NECAB1: variants seen among roughly 807,000 people sequenced by gnomAD.
NECAB1 encodes N-terminal EF-hand calcium-binding protein 1.
Under a neutral mutation model 57.5 loss-of-function variants are expected in NECAB1, and 29 were observed. The observed-to-expected ratio is 0.50, with a 90% confidence interval of 0.38 to 0.69. The LOEUF (loss-of-function observed/expected upper bound fraction) is 0.69, where lower values mean the gene tolerates loss of function less well. NECAB1 is among the 30% of genes least tolerant of loss of function. The probability of loss-of-function intolerance (pLI) is 0.00; values close to 1 mark genes in which losing one functional copy is unlikely to be tolerated. For missense variants in NECAB1, 372 were observed against 413.8 expected (o/e 0.90, Z 0.88); for synonymous variants, 142 against 147.7 (o/e 0.96, Z 0.28).
intron 5 of NECAB1, among the ~76,000 whole-genome samples, chr8:90,906,973 C>T (rs1192909878): frequency 6.8e-6 from 1 of 147,172 alleles, no homozygotes; most frequent in Non-Finnish European, 1.5e-5. Context: ...GCAGCCTCGA[C>T]CTCCTGGACT....
At chr8:90,824,600 T>A in intron 2 of NECAB1, 117 bp from the exon 3 acceptor site, 1 of 534,924 alleles carries the variant, frequency 1.9e-6, no homozygotes, top group Non-Finnish European at 3.3e-6. Flanking sequence ...CAGCTGTTCT[T>A]TCTTTTTGAG....
intron 11 of NECAB1, among the ~76,000 whole-genome samples, chr8:90,950,568 G>A (rs1326530958): frequency 6.6e-6 from 1 of 152,086 alleles, no homozygotes; most frequent in East Asian, 1.9e-4. Context: ...GTTAAATATG[G>A]TGATGGAAGT....
At chr8:90,849,150 A>C (rs1812630896) in intron 3 of NECAB1, among the ~76,000 whole-genome samples, 1 of 152,196 alleles carries the variant, frequency 6.6e-6, no homozygotes, top group Non-Finnish European at 1.5e-5. Flanking sequence ...AATTTAGTGC[A>C]TCCAGTAAGG....
intron 5 of NECAB1, among the ~76,000 whole-genome samples, chr8:90,903,557 G>A (rs1164740988): frequency 6.6e-6 from 1 of 152,124 alleles, no homozygotes; most frequent in African/African-American, 2.4e-5. Context: ...AAACTTACCT[G>A]TTAGCTATCT....
chr8:90,889,032 G>GTT (rs1463092718), intron 5 of NECAB1, among the ~76,000 whole-genome samples: 1 of 152,188 alleles, frequency 6.6e-6, no homozygotes, highest in Admixed American at 6.5e-5. Context: ...GGAAGGAGAT[G>GTT]TTTTCATCAG....
chr8:90,806,833 G>A (rs932933252), intron 2 of NECAB1: 1 of 152,158 alleles, frequency 6.6e-6, no homozygotes, highest in Non-Finnish European at 1.5e-5. Context: ...AGTGATAATT[G>A]CTCAATATTT....
chr8:90,875,443 T>TGCAGTCC (rs1808700478), intron 4 of NECAB1, among the ~76,000 whole-genome samples: 1 of 121,306 alleles, frequency 8.2e-6, no homozygotes, highest in Non-Finnish European at 1.6e-5. Context: ...ATTGCGCCAC[T>TGCAGTCC]GCAGTCCGCA....
chr8:90,860,115 T>A (rs1386108), intron 3 of NECAB1, among the ~76,000 whole-genome samples: 70,205 of 151,990 alleles, frequency 0.46, 19,670 homozygotes, highest in East Asian at 0.77. Flanking sequence ...TTTTCGTGCA[T>A]GTTAAAATAA....
At chr8:90,900,906 T>C (rs919750653) in intron 5 of NECAB1, among the ~76,000 whole-genome samples, 9 of 152,358 alleles carry the variant, frequency 5.9e-5, no homozygotes, top group Middle Eastern at 3.4e-3. Context: ...CAGCAGTTTC[T>C]TGATGATTTT....
chr8:90,947,299 C>CAT (rs35903277), intron 10 of NECAB1, among the ~76,000 whole-genome samples: 1 of 129,816 alleles, frequency 7.7e-6, no homozygotes, highest in Non-Finnish European at 1.6e-5. Context: ...GGGCTAACAA[C>CAT]ACATACACAC....
intron 2 of NECAB1, among the ~76,000 whole-genome samples, chr8:90,815,769 A>G (rs566635192): frequency 6.6e-6 from 1 of 152,130 alleles, no homozygotes; most frequent in African/African-American, 2.4e-5. Context: ...GTGTGGATGT[A>G]TCAAATTATT....
intron 5 of NECAB1, among the ~76,000 whole-genome samples, chr8:90,886,548 G>GTT (rs1808997277): frequency 1.3e-5 from 2 of 151,834 alleles, no homozygotes; most frequent in Admixed American, 1.3e-4. Flanking sequence ...TTTTTTGTAT[G>GTT]TTTGTTTTGT....
chr8:90,906,885 A>ATATGTATATATATATATATATGTATGTG (rs1554574058), intron 5 of NECAB1, among the ~76,000 whole-genome samples: 4 of 120,926 alleles, frequency 3.3e-5, no homozygotes, highest in African/African-American at 1.4e-4. Flanking sequence ...ACATATATAT[A>ATATGTATATATATATATATATGTATGTG]TATATATATA....
intron 5 of NECAB1, among the ~76,000 whole-genome samples, chr8:90,911,591 A>G (rs1809832303): frequency 6.6e-6 from 1 of 152,204 alleles, no homozygotes; most frequent in Non-Finnish European, 1.5e-5. Flanking sequence ...GGTAACAAGT[A>G]TGTATATAAA....
chr8:90,818,917 T>C (rs73692706), intron 2 of NECAB1, among the ~76,000 whole-genome samples: 2 of 152,020 alleles, frequency 1.3e-5, no homozygotes, highest in East Asian at 1.9e-4. Context: ...TTTTAAATTC[T>C]CTTTTTGCTA....
At chr8:90,832,469 G>A (rs1472451912) in intron 3 of NECAB1, among the ~76,000 whole-genome samples, 5 of 152,062 alleles carry the variant, frequency 3.3e-5, no homozygotes, top group African/African-American at 1.2e-4. Context: ...TTTATTCTTA[G>A]TTATAATTTT....
intron 3 of NECAB1, among the ~76,000 whole-genome samples, chr8:90,840,785 T>C (rs1812441143): frequency 6.6e-6 from 1 of 151,662 alleles, no homozygotes. Flanking sequence ...AACGGGAAAA[T>C]TGCAGTACCA....
chr8:90,918,878 A>T (rs1810039191), intron 6 of NECAB1, among the ~76,000 whole-genome samples: 1 of 151,438 alleles, frequency 6.6e-6, no homozygotes, highest in Admixed American at 6.6e-5. Flanking sequence ...ACTTATCTCA[A>T]CCCCTTCCTT....
At chr8:90,930,682 A>G (rs1810383525) in intron 8 of NECAB1, among the ~76,000 whole-genome samples, 1 of 152,146 alleles carries the variant, frequency 6.6e-6, no homozygotes, top group African/African-American at 2.4e-5. Context: ...TTTATATTGA[A>G]CACTTACTGG....
Sources: gnomAD v4.1 joint callset for allele counts (sites outside exome capture counted in the v4.1 genomes callset) on GRCh38, gnomAD v4.1.1 for gene constraint, MANE v1.5 for transcripts, NCBI Gene and HGNC (gene_info 2026-07-23, HGNC 2026-07-21) for gene names.